SLC5A5: variants seen among roughly 807,000 people sequenced by gnomAD.
SLC5A5 encodes sodium/iodide cotransporter.
Under a neutral mutation model 68.6 loss-of-function variants are expected in SLC5A5, and 56 were observed. The observed-to-expected ratio is 0.82, with a 90% CI of 0.66 to 1.02. The LOEUF is 1.02. SLC5A5 is among the 50% of genes least tolerant of loss of function. The probability of loss-of-function intolerance (pLI) is 0.00; values close to 1 mark genes in which losing one functional copy is unlikely to be tolerated. For synonymous variants in SLC5A5, 398 were observed against 373.0 expected, an observed-to-expected ratio of 1.07 and a Z score of -0.77; for missense variants, 807 against 859.8, an observed-to-expected ratio of 0.94 and a Z score of 0.77.
chr19:17,888,533 G>A (rs2030017768), intron 13 of SLC5A5, 78 bp downstream of exon 13: 1 of 1,519,688 alleles, frequency 6.6e-7, no homozygotes, highest in Non-Finnish European at 9.1e-7. Context: ...GCAGGGAGGG[G>A]AGAAAGGACG....
At chr19:17,881,816 G>T in intron 8 of SLC5A5, 144 bp from the exon 9 acceptor site, 1 of 707,484 alleles carries the variant, frequency 1.4e-6, no homozygotes, top group Admixed American at 2.0e-5. Flanking sequence ...TCTTCGGGGA[G>T]GGGAGGGGCA....
At position 17,882,935 on chromosome 19, in the gene SLC5A5, G is replaced by A. The variant is rs545387730; in HGVS notation, c.1242+716G>A. 1.7e-4 allele frequency among the ~76,000 whole-genome samples: 26 copies of A among 151,890 alleles called. No homozygotes were observed. The East Asian group carries it at 4.3e-3, about 25-fold the overall frequency. ...CCTGACCTCGTGATCCGCCCTCCTCGGCCTCCCAAAGTGCTGGGATTACAG... is the reference window on the plus strand; with the variant it reads ...CCTGACCTCGTGATCCGCCCTCCTCAGCCTCCCAAAGTGCTGGGATTACAG... On this transcript the variant is annotated intron_variant, in intron 10 of 14. Coordinates refer to ENST00000222248, the MANE Select transcript of SLC5A5 (RefSeq NM_000453.3).
At chr19:17,876,973 G>T (rs1431015800) in intron 5 of SLC5A5, among the ~76,000 whole-genome samples, 1 of 151,772 alleles carries the variant, frequency 6.6e-6, no homozygotes, top group Non-Finnish European at 1.5e-5. Flanking sequence ...GGAGGCTGCG[G>T]TGAGCCGAGA....
Position 17,884,068 on chromosome 19 carries a change from G to C in SLC5A5, c.1526+22G>C, listed in dbSNP as rs1257269314. ...CCAGGTGAGCAGACTTGAGGGTAGGGGGGTACCCGAGCCCTGGATGGTGTG... is the reference window on the plus strand; with the variant it reads ...CCAGGTGAGCAGACTTGAGGGTAGGCGGGTACCCGAGCCCTGGATGGTGTG... On this transcript the variant is annotated intron_variant, in intron 12 of 14. Transcript: ENST00000222248. The C allele has an allele frequency of 5.9e-6, 9 of 1,537,758 alleles. No homozygotes were observed. The Admixed American group carries it at 1.4e-4, about 23-fold the overall frequency.
In SLC5A5 at chr19:17,894,420, T is replaced by G. The variant is rs1157328743; in HGVS notation, c.*543T>G. On this transcript the variant is annotated 3_prime_UTR_variant, in exon 15 of 15. Coordinates refer to ENST00000222248, the MANE Select transcript of SLC5A5 (RefSeq NM_000453.3). ...TGCCTCGGCCTCCCAAAGTGCTGGG[T>G]TACAGGCGTAAGCTACCATGCCCAG... The G allele has an allele frequency of 6.4e-6, 1 of 157,374 alleles. No homozygotes were observed. Among genetic ancestry groups the G allele is most frequent in the African/African-American group, 2.4e-5 (1 of 40,926 alleles). The allele number at this position is 157,374 out of a possible 1,614,324, so 9.7% of individuals were successfully genotyped here. A position where few individuals can be genotyped will look rare whatever the true frequency, so the allele number is the denominator to read the frequency against.
Position 17,874,669 on chromosome 19 carries a change from G to C in SLC5A5, c.481G>C (p.Gly161Arg), listed in dbSNP as rs767222905. 1.9e-6 allele frequency: 3 copies of C among 1,614,140 alleles called. No homozygotes were observed. Among genetic ancestry groups the C allele is most frequent in the South Asian group, 1.1e-5 (1 of 91,088 alleles). Residue 161 changes from glycine to arginine, a missense_variant, in exon 4 of 15, where the codon GGG (glycine) becomes CGG (arginine). By Grantham distance (125) the Gly-to-Arg change is moderately radical. Coordinates refer to ENST00000222248, the MANE Select transcript of SLC5A5 (RefSeq NM_000453.3). ...APALILNQVT[G>R]LDIWASLLST... The stretch of plus-strand genomic sequence containing the variant: ...GGGGACCTCTTTTTGCATAGTGACC[G>C]GGCTGGACATCTGGGCGTCGCTCCT...
In SLC5A5 at chr19:17,894,078, T is replaced by A. The variant is rs1332643060; in HGVS notation, c.*201T>A. On this transcript the variant is annotated 3_prime_UTR_variant, in exon 15 of 15. Transcript: ENST00000222248. ...TAAATCCAGCCCCTTGCTTCAACCG[T>A]CCCCAGTATTAGACGCTGCAGCCCT... The A allele has an allele frequency of 5.2e-6, 3 of 579,566 alleles. No individual in the cohort carries two copies. Among genetic ancestry groups the A allele is most frequent in the African/African-American group, 1.9e-5 (1 of 52,496 alleles). 35.9% of individuals were successfully genotyped at this position (579,566 alleles called of 1,614,324 possible).
chr19:17,874,207 A>G lies in SLC5A5; in HGVS notation c.423+4A>G. The G allele has an allele frequency of 6.3e-7, 1 of 1,599,880 alleles. No homozygotes were observed. Among genetic ancestry groups the G allele is most frequent in the East Asian group, 2.2e-5 (1 of 44,798 alleles). On this transcript the variant is annotated splice_donor_region_variant and intron_variant, in intron 2 of 14. Coordinates refer to ENST00000222248, the MANE Select transcript of SLC5A5 (RefSeq NM_000453.3). Reference sequence around the variant, plus strand: ...TTTGCAGTACATTGTAGCCACGGTGAGTGGCCTCGGCCCCGCCCTCCGCTC... The same window carrying G: ...TTTGCAGTACATTGTAGCCACGGTGGGTGGCCTCGGCCCCGCCCTCCGCTC...
chr19:17,893,892 G>A lies in SLC5A5; in HGVS notation c.*15G>A, dbSNP rs777424533. The A allele has an allele frequency of 1.8e-5, 28 of 1,553,670 alleles. No homozygotes were observed. The highest frequency in any genetic ancestry group is 1.7e-4 in the Middle Eastern group (1 of 6,002). On this transcript the variant is annotated 3_prime_UTR_variant, in exon 15 of 15. Transcript: ENST00000222248. Reference sequence around the variant, plus strand: ...CAAACCTCTGAGGACAGGGCCAGCCGCGGGACTGACACCCTGGGATGGAAC... The same window carrying A: ...CAAACCTCTGAGGACAGGGCCAGCCACGGGACTGACACCCTGGGATGGAAC...
chr19:17,877,171 G>C (rs952662660), intron 5 of SLC5A5, among the ~76,000 whole-genome samples: 1 of 152,056 alleles, frequency 6.6e-6, no homozygotes, highest in African/African-American at 2.4e-5. Flanking sequence ...AAGCCTCTCT[G>C]AACTCTCAGC....
chr19:17,890,526 A>G (rs2030126017), intron 13 of SLC5A5, among the ~76,000 whole-genome samples: 1 of 151,992 alleles, frequency 6.6e-6, no homozygotes, highest in Admixed American at 6.6e-5. Context: ...CAAGTAGCTG[A>G]GACTAGAGGC....
chr19:17,878,507 A>T (rs1183690428), intron 7 of SLC5A5, among the ~76,000 whole-genome samples: 1 of 151,480 alleles, frequency 6.6e-6, no homozygotes. Context: ...TCTGTCTCAA[A>T]AAAATAAAAT....
rs1394348619 is a variant in SLC5A5, at chr19:17,883,981, A to G, written c.1461A>G (p.Ser487=). The G allele has an allele frequency of 1.3e-6, 2 of 1,569,544 alleles. No individual in the cohort carries two copies. Among genetic ancestry groups the G allele is most frequent in the Middle Eastern group, 1.7e-4 (1 of 6,002 alleles). Residue 487 remains serine (S), a synonymous_variant, in exon 12 of 15, where the codon TCA becomes TCG. Transcript: ENST00000222248. ...PSSAARCVAL[S]VNASGLLDPA... is the part of the protein sequence containing the mutation. Reference sequence around the variant, plus strand: ...CGGCTGCCCGCTGCGTGGCTCTCTCAGTCAACGCCTCTGGCCTCCTGGACC... The same window carrying G: ...CGGCTGCCCGCTGCGTGGCTCTCTCGGTCAACGCCTCTGGCCTCCTGGACC...
At chr19:17,885,805 C>G (rs35447990) in intron 12 of SLC5A5, among the ~76,000 whole-genome samples, 32,899 of 152,014 alleles carry the variant, frequency 0.22, 3,804 homozygotes, top group Middle Eastern at 0.26. Flanking sequence ...TTTGCCTGTT[C>G]TGGGCATTTC....
chr19:17,877,902 A>T (rs758644052), intron 6 of SLC5A5, 39 bp downstream of exon 6: 1 of 1,613,464 alleles, frequency 6.2e-7, no homozygotes, highest in Non-Finnish European at 8.5e-7. Context: ...TTTCTGGGAC[A>T]TGCTGCCCCC....
chr19:17,883,523 G>GCC (rs375451761), intron 10 of SLC5A5, among the ~76,000 whole-genome samples, 158 bp from the exon 11 acceptor site: 1 of 85,008 alleles, frequency 1.2e-5, no homozygotes, highest in Non-Finnish European at 2.5e-5. Context: ...GCAGGAACAA[G>GCC]GGGGGGGGGT....
Position 17,877,815 on chromosome 19 carries a change from C to A in SLC5A5, c.791C>A (p.Ala264Glu). The change falls in exon 6 of 15, where the codon GCG becomes GAG. Residue 264 changes from alanine (A) to glutamate (E), a missense_variant. Transcript: ENST00000222248. ...VWLSMYGVNQ[A>E]QVQRYVACRT... Reference sequence around the variant, plus strand: ...CTCTCCATGTATGGCGTGAACCAGGCGCAGGTGCAGCGCTACGTGGCTTGC... The same window carrying A: ...CTCTCCATGTATGGCGTGAACCAGGAGCAGGTGCAGCGCTACGTGGCTTGC... 1.2e-6 allele frequency: 2 copies of A among 1,614,202 alleles called. No individual in the cohort carries two copies. Among genetic ancestry groups the A allele is most frequent in the South Asian group, 1.1e-5 (1 of 91,086 alleles).
Position 17,872,549 on chromosome 19 carries a change from C to T in SLC5A5, c.230C>T (p.Pro77Leu), listed in dbSNP as rs1423982967. The T allele has an allele frequency of 3.1e-6, 5 of 1,612,746 alleles. No individual in the cohort carries two copies. The highest frequency in any genetic ancestry group is 4.2e-6 in the Non-Finnish European group (5 of 1,179,848). The change falls in exon 1 of 15, where the codon CCG (proline) becomes CTG (leucine). Residue 77 changes from proline (P) to leucine (L), a missense_variant. Physicochemically the swap from Pro to Leu is moderately conservative, Grantham distance 98. Coordinates refer to ENST00000222248, the MANE Select transcript of SLC5A5 (RefSeq NM_000453.3). ...FMSAVQVLGVPSEAYRYGLKF... is the reference protein window; with the variant it reads ...FMSAVQVLGVLSEAYRYGLKF... ...TCGGCCGTGCAGGTGCTGGGCGTGC[C>T]GTCGGAGGCCTATCGCTATGGCCTC...
Position 17,894,590 on chromosome 19 carries a change from TC to T in SLC5A5, c.*716del, listed in dbSNP as rs2030338807. 6.6e-6 allele frequency: 1 copy of T among 152,364 alleles called. No homozygotes were observed. Among genetic ancestry groups the T allele is most frequent in the African/African-American group, 2.4e-5 (1 of 41,460 alleles). The allele number at this position is 152,364 out of a possible 1,614,324, so 9.4% of individuals were successfully genotyped here. A position where few individuals can be genotyped will look rare whatever the true frequency, so the allele number is the denominator to read the frequency against. On this transcript the variant is annotated 3_prime_UTR_variant, in exon 15 of 15. Coordinates refer to ENST00000222248, the MANE Select transcript of SLC5A5 (RefSeq NM_000453.3). ...CTCAGGTGATCCTCCTGCCTTGGCC[TC>T]CCAAAGGGCTGGGATTACAGGGGTG...
Sources: gnomAD v4.1 joint callset for allele counts (sites outside exome capture counted in the v4.1 genomes callset) on GRCh38, gnomAD v4.1.1 for gene constraint, MANE v1.5 for transcripts, NCBI Gene and HGNC (gene_info 2026-07-23, HGNC 2026-07-21) for gene names.